DLG2: variants seen among roughly 807,000 people sequenced by gnomAD.
The protein encoded by DLG2 is disks large homolog 2.
DLG2 carries 45 observed loss-of-function variants against 132.5 expected under a neutral mutation model. The ratio of observed to expected loss-of-function variants is 0.34; its 90% CI spans 0.27 to 0.44. The LOEUF (loss-of-function observed/expected upper bound fraction) is 0.44, where lower values mean the gene tolerates loss of function less well. Ranked by LOEUF, DLG2 falls within the 20% of genes least tolerant of loss-of-function variation. The pLI, the probability that DLG2 is intolerant of heterozygous loss-of-function variation, is 1.00. For missense variants in DLG2, 1,045 were observed against 1,196.9 expected (o/e 0.87, Z 1.87); for synonymous variants, 424 against 419.6 (o/e 1.01, Z -0.13).
intron 16 of DLG2, among the ~76,000 whole-genome samples, chr11:83,851,381 T>G (rs1341162695): frequency 6.6e-6 from 1 of 151,928 alleles, no homozygotes; most frequent in Non-Finnish European, 1.5e-5. Flanking sequence ...TCCCAGCACT[T>G]TGGGAGTCCA....
chr11:85,412,728 C>CATAT (rs1457324665), intron 3 of DLG2, among the ~76,000 whole-genome samples: 1 of 114,098 alleles, frequency 8.8e-6, no homozygotes, highest in African/African-American at 3.7e-5. Flanking sequence ...CAGTATTTCA[C>CATAT]ACACACACAC....
intron 6 of DLG2, among the ~76,000 whole-genome samples, chr11:84,804,148 A>G (rs1380198942): frequency 6.6e-6 from 1 of 152,228 alleles, no homozygotes; most frequent in African/African-American, 2.4e-5. Context: ...TTATTTTTCA[A>G]ATTGACTAGT....
At chr11:84,437,149 T>C (rs2099003252) in intron 7 of DLG2, among the ~76,000 whole-genome samples, 1 of 152,200 alleles carries the variant, frequency 6.6e-6, no homozygotes, top group African/African-American at 2.4e-5. Flanking sequence ...ACTGTATCAG[T>C]TGATGATTTC....
chr11:84,434,026 G>A lies in DLG2; in HGVS notation c.519+100544C>T, dbSNP rs1816194. The stretch of plus-strand genomic sequence containing the variant: ...CCAGCTACTCGGAAGGCTGCGGTGG[G>A]AGGATCACCTGAGTCTGGAGAGGTT... On this transcript the variant is annotated intron_variant, in intron 7 of 27. Transcript: ENST00000376104. 1.3e-3 allele frequency among the ~76,000 whole-genome samples: 201 copies of A among 151,404 alleles called. 3 individuals are homozygous for A. Among genetic ancestry groups the A allele is most frequent in the Admixed American group, 0.011 (167 of 15,202 alleles).
At chr11:84,650,867 G>GTATATATATATATA (rs1158584073) in intron 6 of DLG2, among the ~76,000 whole-genome samples, 1 of 95,684 alleles carries the variant, frequency 1.0e-5, no homozygotes, top group African/African-American at 5.1e-5. Context: ...GTGTGTGTGT[G>GTATATATATATATA]TGTGTGTATA....
In DLG2 at chr11:83,900,403, C is replaced by G. The variant is rs541307061; in HGVS notation, c.1497-25915G>C. On this transcript the variant is annotated intron_variant, in intron 15 of 27. Coordinates refer to ENST00000376104, the MANE Select transcript of DLG2 (RefSeq NM_001142699.3). ...GTCAGAGGTCTTGATGGCAGCCCCT[C>G]CCATCACAGAGCCAGAGGCCAAAGA... 5.9e-5 allele frequency among the ~76,000 whole-genome samples: 9 copies of G among 152,280 alleles called. No homozygotes were observed. The South Asian group carries it at 1.9e-3, about 32-fold the overall frequency.
intron 6 of DLG2, among the ~76,000 whole-genome samples, chr11:84,901,032 A>C (rs533058209): frequency 6.6e-6 from 1 of 152,154 alleles, no homozygotes; most frequent in Non-Finnish European, 1.5e-5. Context: ...TATGTAAATT[A>C]GCTAACAAAA....
intron 6 of DLG2, among the ~76,000 whole-genome samples, chr11:84,776,645 G>A (rs760973736): frequency 4.6e-5 from 7 of 152,072 alleles, no homozygotes; most frequent in Non-Finnish European, 1.0e-4. Flanking sequence ...TGGCATATTA[G>A]TGAAAACGAT....
In DLG2 at chr11:84,301,011, C is replaced by A. The variant is rs1008330428; in HGVS notation, c.520-49720G>T. 7.9e-4 allele frequency among the ~76,000 whole-genome samples: 120 copies of A among 152,266 alleles called. 1 individual carries two copies. The highest frequency in any genetic ancestry group is 2.8e-3 in the African/African-American group (117 of 41,558). On this transcript the variant is annotated intron_variant, in intron 7 of 27. Coordinates refer to ENST00000376104, the MANE Select transcript of DLG2 (RefSeq NM_001142699.3). ...GTGTTAACTGTTTAATAATGAATTG[C>A]TGAATGAGTATTGACTGAATGACTA...
chr11:84,534,546 A>G (rs780126263), intron 7 of DLG2, 24 bp downstream of exon 7: 1 of 1,609,382 alleles, frequency 6.2e-7, no homozygotes, highest in Non-Finnish European at 8.5e-7. Context: ...CCAACTATAA[A>G]GTCGGAAGAG....
chr11:85,454,055 G>C (rs1008691659), intron 3 of DLG2, among the ~76,000 whole-genome samples: 6 of 151,590 alleles, frequency 4.0e-5, no homozygotes, highest in African/African-American at 1.5e-4. Flanking sequence ...CAGGATAATG[G>C]TCTCTAGCTC....
intron 15 of DLG2, among the ~76,000 whole-genome samples, chr11:83,888,054 C>T (rs1321176104): frequency 6.9e-6 from 1 of 144,746 alleles, no homozygotes; most frequent in East Asian, 2.0e-4. Flanking sequence ...CAGGGATGCC[C>T]TCTCTCACCA....
intron 6 of DLG2, among the ~76,000 whole-genome samples, chr11:84,636,227 A>G (rs1481697716): frequency 1.2e-4 from 19 of 152,248 alleles, no homozygotes; most frequent in Admixed American, 1.2e-3. Context: ...AGTTTGAAAT[A>G]TATCTTCTGA....
At chr11:84,516,662 A>G (rs1443534792) in intron 7 of DLG2, among the ~76,000 whole-genome samples, 1 of 151,558 alleles carries the variant, frequency 6.6e-6, no homozygotes, top group Non-Finnish European at 1.5e-5. Flanking sequence ...TTCTTCTCAA[A>G]CACTTCCAAA....
At chr11:84,013,764 G>A (rs2095020404) in intron 11 of DLG2, among the ~76,000 whole-genome samples, 1 of 151,540 alleles carries the variant, frequency 6.6e-6, no homozygotes, top group Non-Finnish European at 1.5e-5. Context: ...CTACTTGGGA[G>A]GCTGAGGCAG....
chr11:85,300,505 G>A (rs1329954122), intron 3 of DLG2, among the ~76,000 whole-genome samples: 2 of 152,116 alleles, frequency 1.3e-5, no homozygotes, highest in Non-Finnish European at 2.9e-5. Flanking sequence ...AAACCATAAA[G>A]GAGATACCCC....
intron 12 of DLG2, among the ~76,000 whole-genome samples, chr11:83,977,563 C>A (rs1319966709): frequency 6.6e-6 from 1 of 152,006 alleles, no homozygotes; most frequent in Non-Finnish European, 1.5e-5. Context: ...AAAACATATT[C>A]AATTTTGAGG....
At chr11:83,516,922 G>C (rs2095314983) in intron 21 of DLG2, among the ~76,000 whole-genome samples, 1 of 152,076 alleles carries the variant, frequency 6.6e-6, no homozygotes, top group Non-Finnish European at 1.5e-5. Flanking sequence ...TTCCCTTTTG[G>C]GTAACCTGAC....
At chr11:84,540,654 C>A (rs2099366391) in intron 6 of DLG2, among the ~76,000 whole-genome samples, 1 of 152,140 alleles carries the variant, frequency 6.6e-6, no homozygotes, top group Non-Finnish European at 1.5e-5. Context: ...GGATCTAGAA[C>A]TAGAAATACC....
Sources: gnomAD v4.1 joint callset for allele counts (sites outside exome capture counted in the v4.1 genomes callset) on GRCh38, gnomAD v4.1.1 for gene constraint, MANE v1.5 for transcripts, NCBI Gene and HGNC (gene_info 2026-07-23, HGNC 2026-07-21) for gene names.